AUTS2: variants seen among roughly 807,000 people sequenced by gnomAD.
The protein encoded by AUTS2 is autism susceptibility gene 2 protein.
Under a neutral mutation model 112.4 loss-of-function variants are expected in AUTS2, and 17 were observed. That is an observed-to-expected ratio of 0.15 (90% CI 0.10 to 0.23). The LOEUF (loss-of-function observed/expected upper bound fraction) is 0.23, where lower values mean the gene tolerates loss of function less well. AUTS2 is among the 10% of genes least tolerant of loss of function. The pLI is 1.00. For synonymous variants in AUTS2, 751 were observed against 702.7 expected (o/e 1.07, Z -1.09); for missense variants, 1,510 against 1,701.6 (o/e 0.89, Z 1.98).
intron 2 of AUTS2, among the ~76,000 whole-genome samples, chr7:70,044,557 A>C (rs911458345): frequency 1.3e-5 from 2 of 152,210 alleles, no homozygotes; most frequent in African/African-American, 4.8e-5. Context: ...CTTAAGTGGG[A>C]GAAAAAATCT....
intron 2 of AUTS2, among the ~76,000 whole-genome samples, chr7:70,095,271 T>C (rs950071740): frequency 1.1e-4 from 17 of 152,262 alleles, no homozygotes; most frequent in African/African-American, 1.2e-4. Context: ...TGTGTGTGTG[T>C]GTGCGTGCGT....
chr7:70,676,021 C>A (rs774740718), intron 5 of AUTS2, among the ~76,000 whole-genome samples: 3 of 152,204 alleles, frequency 2.0e-5, no homozygotes, highest in Non-Finnish European at 4.4e-5. Flanking sequence ...GTAAAGGTTT[C>A]TTTCTACCTG....
intron 5 of AUTS2, among the ~76,000 whole-genome samples, chr7:70,539,552 CA>C (rs1800459969): frequency 6.6e-6 from 1 of 152,128 alleles, no homozygotes; most frequent in Admixed American, 6.5e-5. Flanking sequence ...GGGAGTTTTT[CA>C]TTTGAAATGG....
In AUTS2 at chr7:70,418,012, G is replaced by A. The variant is rs150450190; in HGVS notation, c.661-17740G>A. ...GACCTCCCTGGGATTGGGGTGCACA[G>A]GATAATCACAGGGGGCACTTGTGAT... On this transcript the variant is annotated intron_variant, in intron 4 of 18. Coordinates refer to ENST00000342771, the MANE Select transcript of AUTS2 (RefSeq NM_015570.4). Among the ~76,000 whole-genome samples, 45 of 152,118 alleles carry A rather than the reference G, an allele frequency of 3.0e-4. No homozygotes were observed. In the East Asian group the frequency reaches 8.2e-3, roughly 28 times the overall value.
intron 4 of AUTS2, among the ~76,000 whole-genome samples, chr7:70,356,325 T>C (rs977288317): frequency 3.3e-5 from 5 of 152,018 alleles, no homozygotes; most frequent in Non-Finnish European, 7.3e-5. Context: ...ACTGAAGTAC[T>C]AGGGGATGTG....
chr7:70,489,465 C>G (rs567450410), intron 5 of AUTS2, among the ~76,000 whole-genome samples: 1 of 152,276 alleles, frequency 6.6e-6, no homozygotes, highest in South Asian at 2.1e-4. Context: ...CTTAGATATC[C>G]TTCAGTAAAC....
rs3070428 is a variant in AUTS2, at chr7:69,759,770, GCCCCCCCCCC to G, written c.310-139506_310-139497del. Among the ~76,000 whole-genome samples, 9 of 924 alleles carry G rather than the reference GCCCCCCCCCC, an allele frequency of 9.7e-3. 3 individuals carry two copies. The highest frequency in any genetic ancestry group is 0.045 in the South Asian group (1 of 22). 0.6% of individuals were successfully genotyped at this position (924 alleles called of 152,430 possible). On this transcript the variant is annotated intron_variant, in intron 1 of 18. Transcript: ENST00000342771. ...GTTATTTTATTCCCCTCTCATCCCC[GCCCCCCCCCC>G]CCCCCCCCCATATAAAGGACTCATT...
intron 5 of AUTS2, among the ~76,000 whole-genome samples, chr7:70,480,650 C>A (rs934767271): frequency 2.0e-5 from 3 of 152,148 alleles, no homozygotes; most frequent in Non-Finnish European, 4.4e-5. Context: ...CAATCCACAG[C>A]CCTGTTCTGT....
chr7:70,157,579 C>A (rs2129576966), intron 4 of AUTS2, among the ~76,000 whole-genome samples: 1 of 152,292 alleles, frequency 6.6e-6, no homozygotes, highest in South Asian at 2.1e-4. Context: ...CTTGGCCTCC[C>A]AAAGTGCTAG....
chr7:70,662,059 TGAA>T (rs1807105375), intron 5 of AUTS2, among the ~76,000 whole-genome samples: 1 of 152,188 alleles, frequency 6.6e-6, no homozygotes, highest in South Asian at 2.1e-4. Flanking sequence ...GGCAGACACC[TGAA>T]GCCAGAGATG....
chr7:70,163,069 G>T (rs757617977), intron 4 of AUTS2, among the ~76,000 whole-genome samples: 11 of 152,054 alleles, frequency 7.2e-5, no homozygotes, highest in Middle Eastern at 3.4e-3. Context: ...TGACAGGGAG[G>T]GCTGGCTAGG....
At chr7:69,942,979 A>G (rs1478739066) in intron 2 of AUTS2, among the ~76,000 whole-genome samples, 1 of 152,222 alleles carries the variant, frequency 6.6e-6, no homozygotes, top group African/African-American at 2.4e-5. Context: ...CCAGTCTTTA[A>G]ATCGGGACCA....
chr7:70,185,618 G>A (rs975701064), intron 4 of AUTS2, among the ~76,000 whole-genome samples: 3 of 152,156 alleles, frequency 2.0e-5, no homozygotes, highest in South Asian at 2.1e-4. Flanking sequence ...ATTTAGGATC[G>A]AAAATCAGTC....
At chr7:70,148,884 A>T (rs1807276266) in intron 4 of AUTS2, among the ~76,000 whole-genome samples, 2 of 152,112 alleles carry the variant, frequency 1.3e-5, no homozygotes, top group Admixed American at 1.3e-4. Flanking sequence ...AAGCTAGTAA[A>T]GAATGTTTTA....
intron 2 of AUTS2, among the ~76,000 whole-genome samples, chr7:69,967,536 A>G (rs1797681062): frequency 1.3e-5 from 2 of 152,160 alleles, no homozygotes; most frequent in South Asian, 4.1e-4. Flanking sequence ...GAAGGTGTGC[A>G]GGAACATAAA....
At chr7:70,712,606 G>A (rs181668032) in intron 6 of AUTS2, among the ~76,000 whole-genome samples, 3 of 152,298 alleles carry the variant, frequency 2.0e-5, no homozygotes, top group Non-Finnish European at 1.5e-5. Context: ...CTCTGGGGTA[G>A]AGTCACAACT....
intron 5 of AUTS2, among the ~76,000 whole-genome samples, chr7:70,523,807 TGCACTGGAAACATCACCTGA>T (rs1563014915): frequency 6.6e-6 from 1 of 152,166 alleles, no homozygotes; most frequent in Non-Finnish European, 1.5e-5. Flanking sequence ...GGAAGGAGGC[TGCACTGGAAACATCACCTGA>T]GCACTCCAGG....
chr7:69,650,916 G>T (rs1473957429), intron 1 of AUTS2, among the ~76,000 whole-genome samples: 2 of 152,118 alleles, frequency 1.3e-5, no homozygotes, highest in Admixed American at 1.3e-4. Flanking sequence ...TGTGCAAGTC[G>T]CCCGTGCTAT....
At chr7:70,714,391 A>C (rs1248372588) in intron 6 of AUTS2, among the ~76,000 whole-genome samples, 1 of 152,190 alleles carries the variant, frequency 6.6e-6, no homozygotes, top group Non-Finnish European at 1.5e-5. Flanking sequence ...TTTTACGACT[A>C]CATACTTTAG....
Sources: allele counts gnomAD v4.1 joint callset (sites outside exome capture counted in the v4.1 genomes callset), GRCh38; gene constraint gnomAD v4.1.1; transcripts MANE v1.5; gene names NCBI Gene and HGNC (gene_info 2026-07-23, HGNC 2026-07-21).